The following SRD5A2 variants were observed in gnomAD, a reference collection of about 807,000 sequenced individuals.
SRD5A2 encodes steroid 5 alpha-reductase 2, also known as 3-oxo-5-alpha-steroid 4-dehydrogenase 2.
SRD5A2 carries 30 observed loss-of-function variants against 27.4 expected under a neutral mutation model. The observed-to-expected ratio is 1.10, with a 90% CI of 0.82 to 1.49. SRD5A2 has a LOEUF of 1.49. SRD5A2 is among the 40% of genes most tolerant of loss of function. SRD5A2 has a pLI of 0.00. For missense variants in SRD5A2, 348 were observed against 323.4 expected, an observed-to-expected ratio of 1.08 and a Z score of -0.58; for synonymous variants, 141 against 133.6, an observed-to-expected ratio of 1.06 and a Z score of -0.38.
Position 31,531,988 on chromosome 2 carries a change from A to G in SRD5A2, c.446-516T>C, listed in dbSNP as rs1460669631. On this transcript the variant is annotated intron_variant, in intron 2 of 4. Transcript: ENST00000622030. Reference sequence around the variant, plus strand: ...TCCTTGGAAATCGTTTGCTTTTCTGATAAAAGGTGCAGGCAAGACCGGTGC... The same window carrying G: ...TCCTTGGAAATCGTTTGCTTTTCTGGTAAAAGGTGCAGGCAAGACCGGTGC... 2.6e-5 allele frequency among the ~76,000 whole-genome samples: 4 copies of G among 152,226 alleles called. No individual in the cohort carries two copies. The East Asian group carries it at 7.7e-4, about 29-fold the overall frequency.
rs904274646 is a variant in SRD5A2 at position 31,580,646 on chromosome 2, G to T, written c.255C>A (p.Gly85=). The change falls in exon 1 of 5, where the codon GGC becomes GGA. Residue 85 remains glycine (G), a synonymous_variant. Transcript: ENST00000622030. ...TGTGGAAGTAATGTAGGCAGAAGAG[G>T]CCCAGAAGTACCGTCCCAGGTGGCC... ...LFGPPGTVLL[G]LFCLHYFHRT... is the part of the protein sequence containing the mutation. 1.9e-6 allele frequency: 3 copies of T among 1,585,636 alleles called. No homozygotes were observed. The highest frequency in any genetic ancestry group is 1.3e-5 in the African/African-American group (1 of 74,734).
chr2:31,641,146 T>C, the SRD5A2 span, among the ~76,000 whole-genome samples: 1 of 152,140 alleles, frequency 6.6e-6, no homozygotes, highest in African/African-American at 2.4e-5. Flanking sequence ...TTGTTTTTAG[T>C]TTTCTATGAT....
chr2:31,564,964 T>C (rs894004969), intron 1 of SRD5A2, among the ~76,000 whole-genome samples: 2 of 151,922 alleles, frequency 1.3e-5, no homozygotes, highest in Non-Finnish European at 2.9e-5. Context: ...ATTATCTTAT[T>C]TAAAACTGTT....
chr2:31,580,922 G>A lies in SRD5A2; in HGVS notation c.-22C>T, dbSNP rs1326808050. 6.3e-7 allele frequency: 1 copy of A among 1,585,950 alleles called. No individual in the cohort carries two copies. The highest frequency in any genetic ancestry group is 1.3e-5 in the African/African-American group (1 of 74,398). The stretch of plus-strand genomic sequence containing the variant: ...GCATCGCGCCGTGTTCCTCGCCGGT[G>A]GCCGCTGCCCTCCCAGAAGAGAGCG... On this transcript the variant is annotated 5_prime_UTR_variant, in exon 1 of 5. Transcript: ENST00000622030.
intron 1 of SRD5A2, among the ~76,000 whole-genome samples, chr2:31,546,196 A>G (rs929957770): frequency 2.0e-5 from 3 of 152,192 alleles, no homozygotes; most frequent in African/African-American, 7.2e-5. Flanking sequence ...TCAGAAATAA[A>G]ACAGTCCACT....
At chr2:31,613,277 C>A in the SRD5A2 span, among the ~76,000 whole-genome samples, 1 of 151,670 alleles carries the variant, frequency 6.6e-6, no homozygotes, top group Non-Finnish European at 1.5e-5. Context: ...GATAAAGAAC[C>A]AATATAAAAA....
chr2:31,634,922 A>G, the SRD5A2 span, among the ~76,000 whole-genome samples: 1 of 152,054 alleles, frequency 6.6e-6, no homozygotes, highest in African/African-American at 2.4e-5. Flanking sequence ...CATTTTCTTG[A>G]TTCACTCATT....
At chr2:31,646,680 G>A in the SRD5A2 span, among the ~76,000 whole-genome samples, 1 of 151,954 alleles carries the variant, frequency 6.6e-6, no homozygotes, top group South Asian at 2.1e-4. Flanking sequence ...AAAACCAGCA[G>A]TCATAGCCAG....
intron 1 of SRD5A2, among the ~76,000 whole-genome samples, chr2:31,559,182 T>A (rs1177062869): frequency 6.6e-6 from 1 of 152,216 alleles, no homozygotes; most frequent in African/African-American, 2.4e-5. Context: ...CCAGACTGTG[T>A]GATCTCCAGG....
chr2:31,572,337 A>C (rs1666868573), intron 1 of SRD5A2, among the ~76,000 whole-genome samples: 1 of 152,194 alleles, frequency 6.6e-6, no homozygotes, highest in African/African-American at 2.4e-5. Flanking sequence ...ATGATTGAAA[A>C]AATACCTATC....
intron 1 of SRD5A2, among the ~76,000 whole-genome samples, chr2:31,561,722 C>T (rs962541610): frequency 6.6e-6 from 1 of 151,902 alleles, no homozygotes; most frequent in African/African-American, 2.4e-5. Context: ...GAGGATTCCC[C>T]AGAATGATAG....
the SRD5A2 span, among the ~76,000 whole-genome samples, chr2:31,625,753 G>T: frequency 6.6e-6 from 1 of 152,136 alleles, no homozygotes. Context: ...ATGCTGTTTT[G>T]GTTACTGTAG....
At chr2:31,622,470 G>T in the SRD5A2 span, among the ~76,000 whole-genome samples, 1 of 152,098 alleles carries the variant, frequency 6.6e-6, no homozygotes, top group Admixed American at 6.6e-5. Context: ...GTTGGCAAGA[G>T]CTCAGGTGAA....
At chr2:31,647,739 A>G in the SRD5A2 span, among the ~76,000 whole-genome samples, 1 of 152,206 alleles carries the variant, frequency 6.6e-6, no homozygotes, top group Non-Finnish European at 1.5e-5. Flanking sequence ...GTAAATGTGT[A>G]TGTTACACAA....
At chr2:31,652,418 T>C in the SRD5A2 span, among the ~76,000 whole-genome samples, 7 of 152,032 alleles carry the variant, frequency 4.6e-5, no homozygotes, top group Non-Finnish European at 1.0e-4. Flanking sequence ...TCTAGCAGCA[T>C]ATTTCCAGCT....
chr2:31,634,783 T>C, the SRD5A2 span, among the ~76,000 whole-genome samples: 2 of 152,120 alleles, frequency 1.3e-5, no homozygotes, highest in South Asian at 2.1e-4. Context: ...GATCATGCGA[T>C]ATTTGTTTTT....
At chr2:31,633,515 T>C in the SRD5A2 span, among the ~76,000 whole-genome samples, 19 of 152,190 alleles carry the variant, frequency 1.2e-4, no homozygotes, top group Non-Finnish European at 2.6e-4. Flanking sequence ...CTGTGAACTA[T>C]AAATCATTCT....
the SRD5A2 span, among the ~76,000 whole-genome samples, chr2:31,628,422 C>T: frequency 6.6e-6 from 1 of 152,076 alleles, no homozygotes; most frequent in Admixed American, 6.6e-5. Context: ...CATCTTTATC[C>T]AACTTGCCAA....
chr2:31,598,659 A>G, the SRD5A2 span, among the ~76,000 whole-genome samples: 1 of 151,910 alleles, frequency 6.6e-6, no homozygotes, highest in Non-Finnish European at 1.5e-5. Flanking sequence ...ACACCAAAAA[A>G]CTTACAATAG....
Sources: gnomAD v4.1 joint callset for allele counts (sites outside exome capture counted in the v4.1 genomes callset) on GRCh38, gnomAD v4.1.1 for gene constraint, MANE v1.5 for transcripts, NCBI Gene and HGNC (gene_info 2026-07-23, HGNC 2026-07-21) for gene names.